LRRC4C: variants seen among roughly 807,000 people sequenced by gnomAD.
The protein encoded by LRRC4C is leucine-rich repeat-containing protein 4C.
A neutral mutation model predicts 33.6 loss-of-function variants in LRRC4C; 5 were observed. That is an observed-to-expected ratio of 0.15 (90% CI 0.08 to 0.31). LRRC4C has a LOEUF of 0.31. LRRC4C is among the 10% of genes least tolerant of loss of function. The pLI is 1.00. For missense variants in LRRC4C, 560 were observed against 796.7 expected (o/e 0.70, Z 3.58); for synonymous variants, 329 against 302.0 (o/e 1.09, Z -0.93).
intron 5 of LRRC4C, among the ~76,000 whole-genome samples, chr11:40,198,575 T>C (rs530501895): frequency 6.6e-6 from 1 of 152,358 alleles, no homozygotes; most frequent in South Asian, 2.1e-4. Context: ...AAAGTCCATT[T>C]TGAAGCTCAA....
Position 40,519,314 on chromosome 11 carries a change from T to C in LRRC4C, c.-270+128828A>G, listed in dbSNP as rs563249212. On this transcript the variant is annotated intron_variant, in intron 3 of 6. Coordinates refer to ENST00000528697, the MANE Select transcript of LRRC4C (RefSeq NM_001258419.2). ...AATCCTGGCTATGAAATCAGACTTA[T>C]GGGAGATTAAATATTAGATAATGTT... Among the ~76,000 whole-genome samples, 53 of 152,286 alleles carry C rather than the reference T, an allele frequency of 3.5e-4. No homozygotes were observed. In the Middle Eastern group the frequency reaches 0.01, roughly 29 times the overall value.
intron 2 of LRRC4C, among the ~76,000 whole-genome samples, chr11:40,837,447 A>G (rs1484807879): frequency 2.6e-5 from 4 of 152,116 alleles, no homozygotes; most frequent in African/African-American, 9.7e-5. Flanking sequence ...TTATTATGGA[A>G]GAATAATAGC....
At chr11:40,939,766 G>T (rs968329237) in intron 1 of LRRC4C, among the ~76,000 whole-genome samples, 1 of 152,164 alleles carries the variant, frequency 6.6e-6, no homozygotes, top group Non-Finnish European at 1.5e-5. Context: ...CTGAGTAAAT[G>T]TTTCCAGTAT....
intron 5 of LRRC4C, among the ~76,000 whole-genome samples, chr11:40,196,219 C>T (rs768232868): frequency 3.3e-5 from 5 of 152,036 alleles, no homozygotes; most frequent in Non-Finnish European, 5.9e-5. Flanking sequence ...GCAGACACTA[C>T]GAAGGGGTAA....
chr11:40,868,522 T>A (rs1954480122), intron 2 of LRRC4C, among the ~76,000 whole-genome samples: 1 of 152,094 alleles, frequency 6.6e-6, no homozygotes, highest in Non-Finnish European at 1.5e-5. Context: ...TTTGGAAGAT[T>A]TATCTCTAAA....
chr11:41,350,257 T>A (rs1951933355), intron 1 of LRRC4C, among the ~76,000 whole-genome samples: 2 of 152,152 alleles, frequency 1.3e-5, no homozygotes, highest in African/African-American at 4.8e-5. Context: ...ACGCCTGTAA[T>A]CCCAGCACTT....
In LRRC4C at chr11:40,695,127, C is replaced by T. The variant is rs146774157; in HGVS notation, c.-406-46849G>A. Among the ~76,000 whole-genome samples, 850 of 152,244 alleles carry T rather than the reference C, an allele frequency of 5.6e-3. 11 individuals carry two copies. The highest frequency in any genetic ancestry group is 0.019 in the African/African-American group (800 of 41,542). On this transcript the variant is annotated intron_variant, in intron 2 of 6. Transcript: ENST00000528697. ...ACTCTAATGCAGTACAATAAAGAGG[C>T]TTGTACAAAATGCTAAGTGAACAGT... is the stretch of plus-strand genomic sequence containing the variant.
At chr11:41,137,321 C>A (rs1487938776) in intron 1 of LRRC4C, among the ~76,000 whole-genome samples, 1 of 152,018 alleles carries the variant, frequency 6.6e-6, no homozygotes, top group East Asian at 1.9e-4. Flanking sequence ...CAGATCAAAT[C>A]CCTCCCTTAA....
intron 2 of LRRC4C, among the ~76,000 whole-genome samples, chr11:40,792,324 T>C (rs936389286): frequency 6.6e-6 from 1 of 152,106 alleles, no homozygotes; most frequent in African/African-American, 2.4e-5. Context: ...CTACCAGTTT[T>C]GAAAGGTGAG....
intron 1 of LRRC4C, among the ~76,000 whole-genome samples, chr11:41,271,536 C>A (rs1035557729): frequency 7.1e-6 from 1 of 140,458 alleles, no homozygotes; most frequent in Admixed American, 6.8e-5. Context: ...ATGTCACTTC[C>A]ACTAAGAAGC....
intron 1 of LRRC4C, among the ~76,000 whole-genome samples, chr11:41,073,686 C>T (rs1938889150): frequency 6.6e-6 from 1 of 152,172 alleles, no homozygotes; most frequent in African/African-American, 2.4e-5. Context: ...TAAATGCAAG[C>T]TTATATTGGT....
intron 2 of LRRC4C, among the ~76,000 whole-genome samples, chr11:40,783,662 G>A (rs1440670013): frequency 3.9e-5 from 6 of 151,924 alleles, no homozygotes; most frequent in Admixed American, 3.9e-4. Context: ...TCTTTCTCCA[G>A]AAATTATACA....
intron 2 of LRRC4C, among the ~76,000 whole-genome samples, chr11:40,799,060 T>C (rs554208852): frequency 6.6e-6 from 1 of 152,338 alleles, no homozygotes; most frequent in East Asian, 1.9e-4. Flanking sequence ...TCTTTGCATA[T>C]AGGTAGCAAC....
Position 40,632,273 on chromosome 11 carries a change from G to T in LRRC4C, c.-270+15869C>A, listed in dbSNP as rs528607348. 3.9e-5 allele frequency among the ~76,000 whole-genome samples: 6 copies of T among 152,268 alleles called. No individual in the cohort carries two copies. In the South Asian group the frequency reaches 1.2e-3, roughly 32 times the overall value. On this transcript the variant is annotated intron_variant, in intron 3 of 6. Coordinates refer to ENST00000528697, the MANE Select transcript of LRRC4C (RefSeq NM_001258419.2). The stretch of plus-strand genomic sequence containing the variant: ...AATAAATATTTTGTATCATCTTTGG[G>T]ACTGGAGACATATCCTTGAATTGAC...
chr11:41,235,905 G>T lies in LRRC4C; in HGVS notation c.-496+223526C>A, dbSNP rs1948001723. 3.3e-5 allele frequency among the ~76,000 whole-genome samples: 5 copies of T among 152,172 alleles called. No homozygotes were observed. In the South Asian group the frequency reaches 8.3e-4, roughly 25 times the overall value. On this transcript the variant is annotated intron_variant, in intron 1 of 6. Transcript: ENST00000528697. Reference sequence around the variant, plus strand: ...GGGTAATGAGGTAGATACTCCAGCTGCCCATCATATAGACATTCTCCCTTT... The same window carrying T: ...GGGTAATGAGGTAGATACTCCAGCTTCCCATCATATAGACATTCTCCCTTT...
intron 3 of LRRC4C, among the ~76,000 whole-genome samples, chr11:40,575,376 T>C (rs1958150153): frequency 1.3e-5 from 2 of 149,794 alleles, no homozygotes; most frequent in African/African-American, 4.9e-5. Flanking sequence ...AATTTGTCTG[T>C]TATTTTAATT....
At chr11:41,373,731 G>C (rs1316825160) in intron 1 of LRRC4C, among the ~76,000 whole-genome samples, 2 of 152,054 alleles carry the variant, frequency 1.3e-5, no homozygotes, top group African/African-American at 2.4e-5. Flanking sequence ...TTTGGGTTAT[G>C]AATGTATAGG....
intron 1 of LRRC4C, among the ~76,000 whole-genome samples, chr11:40,969,113 C>T (rs187972204): frequency 1.3e-5 from 2 of 152,202 alleles, no homozygotes; most frequent in Non-Finnish European, 2.9e-5. Context: ...GGAAGAAGTT[C>T]ATTTCAACCA....
At chr11:41,361,789 T>C (rs947935856) in intron 1 of LRRC4C, among the ~76,000 whole-genome samples, 2 of 152,196 alleles carry the variant, frequency 1.3e-5, no homozygotes, top group South Asian at 4.1e-4. Context: ...CTCTTAAATG[T>C]AGTTCCAAGG....
Sources: allele counts gnomAD v4.1 joint callset (sites outside exome capture counted in the v4.1 genomes callset), GRCh38; gene constraint gnomAD v4.1.1; transcripts MANE v1.5; gene names NCBI Gene and HGNC (gene_info 2026-07-23, HGNC 2026-07-21).